FBLN7: variants seen among roughly 807,000 people sequenced by gnomAD.
The protein encoded by FBLN7 is fibulin 7.
Under a neutral mutation model 44.0 loss-of-function variants are expected in FBLN7, and 31 were observed. That is an observed-to-expected ratio of 0.70 (90% CI 0.53 to 0.95). The LOEUF is 0.95. Among genes scored for constraint, FBLN7 ranks in the 40% least tolerant of loss-of-function variants. The pLI is 0.00. For synonymous variants in FBLN7, 262 were observed against 253.4 expected, an observed-to-expected ratio of 1.03 and a Z score of -0.32; for missense variants, 573 against 618.5, an observed-to-expected ratio of 0.93 and a Z score of 0.78.
At chr2:112,201,214 A>G in the FBLN7 span, among the ~76,000 whole-genome samples, 2 of 152,180 alleles carry the variant, frequency 1.3e-5, no homozygotes, top group Admixed American at 6.5e-5. Flanking sequence ...GCTGTCCTGA[A>G]TCTCTTTACA....
At chr2:112,165,867 G>A (rs921590845) in intron 3 of FBLN7, among the ~76,000 whole-genome samples, 1 of 152,144 alleles carries the variant, frequency 6.6e-6, no homozygotes, top group Admixed American at 6.5e-5. Flanking sequence ...AAATCTGTTG[G>A]CTTTTCAAAA....
At chr2:112,232,049 C>A in the FBLN7 span, 1 of 607,956 alleles carries the variant, frequency 1.6e-6, no homozygotes, top group African/African-American at 1.9e-5. Context: ...TGTGGCCGGG[C>A]GAGGTGGCTC....
At chr2:112,152,288 A>C (rs1383027050) in intron 1 of FBLN7, 1 of 152,260 alleles carries the variant, frequency 6.6e-6, no homozygotes, top group African/African-American at 2.4e-5. Context: ...CTGCGCTGTC[A>C]TGGGTTCCTG....
the FBLN7 span, among the ~76,000 whole-genome samples, chr2:112,243,597 T>C: frequency 1.3e-5 from 2 of 151,832 alleles, no homozygotes; most frequent in African/African-American, 4.8e-5. Context: ...ATCCCATTCT[T>C]CTCATTAGAA....
intron 1 of FBLN7, among the ~76,000 whole-genome samples, chr2:112,148,832 C>T (rs1260741141): frequency 3.9e-5 from 6 of 152,184 alleles, no homozygotes; most frequent in Non-Finnish European, 8.8e-5. Flanking sequence ...TCTTGAGACC[C>T]AGGCTTGGAA....
intron 1 of FBLN7, chr2:112,151,768 G>C (rs1681173083): frequency 6.6e-6 from 1 of 152,222 alleles, no homozygotes; most frequent in African/African-American, 2.4e-5. Context: ...GTGTACCTAG[G>C]AGGGGATTGC....
intron 1 of FBLN7, among the ~76,000 whole-genome samples, chr2:112,158,627 C>A (rs1285379517): frequency 6.6e-6 from 1 of 152,014 alleles, no homozygotes; most frequent in African/African-American, 2.4e-5. Context: ...GTAGTTGAGA[C>A]TGGGTTTCAC....
Position 112,171,504 on chromosome 2 carries a change from TA to T in FBLN7, c.407-4202del, listed in dbSNP as rs903562305. Among the ~76,000 whole-genome samples the T allele has an allele frequency of 2.2e-4, 33 of 151,836 alleles. 1 individual carries two copies. The highest frequency in any genetic ancestry group is 7.7e-4 in the African/African-American group (32 of 41,398). On this transcript the variant is annotated intron_variant, in intron 3 of 7. Coordinates refer to ENST00000331203, the MANE Select transcript of FBLN7 (RefSeq NM_153214.3). ...CATGAGGCCTTTCCCCCGAGACCTTTAAAAAAAAGATTTGAGTAGAAAGAGC... is the reference window on the plus strand; with the variant it reads ...CATGAGGCCTTTCCCCCGAGACCTTTAAAAAAAGATTTGAGTAGAAAGAGC...
the FBLN7 span, among the ~76,000 whole-genome samples, chr2:112,234,634 C>A: frequency 1.1e-3 from 162 of 152,166 alleles, no homozygotes; most frequent in African/African-American, 3.7e-3. Flanking sequence ...AACCTCATCT[C>A]TACTAAAATA....
At chr2:112,221,725 T>A in the FBLN7 span, among the ~76,000 whole-genome samples, 1 of 152,128 alleles carries the variant, frequency 6.6e-6, no homozygotes, top group Admixed American at 6.5e-5. Context: ...TCAGTCTGGT[T>A]CTTTCTTATA....
chr2:112,236,710 T>G, the FBLN7 span: 1 of 1,586,296 alleles, frequency 6.3e-7, no homozygotes, highest in East Asian at 2.3e-5. Context: ...AAACAAAAAA[T>G]TAATTTAAAA....
chr2:112,192,670 A>C (rs1030105217), downstream of FBLN7, among the ~76,000 whole-genome samples: 2 of 152,230 alleles, frequency 1.3e-5, no homozygotes, highest in East Asian at 3.8e-4. Flanking sequence ...GAGTCTGAAC[A>C]TGTGCTCAAG....
the FBLN7 span, among the ~76,000 whole-genome samples, chr2:112,224,304 T>C: frequency 4.6e-5 from 7 of 152,302 alleles, no homozygotes; most frequent in Non-Finnish European, 8.8e-5. Context: ...ACTCTGGTCA[T>C]GTCAAAAAGA....
chr2:112,158,119 G>C (rs569950568), intron 1 of FBLN7, among the ~76,000 whole-genome samples: 3 of 150,368 alleles, frequency 2.0e-5, no homozygotes, highest in East Asian at 2.0e-4. Flanking sequence ...GGATGGTCTC[G>C]ATCTCCTGAC....
chr2:112,195,910 C>A, the FBLN7 span, among the ~76,000 whole-genome samples: 2 of 152,228 alleles, frequency 1.3e-5, no homozygotes, highest in African/African-American at 4.8e-5. Context: ...CCTCTCCCAC[C>A]TCTGGGCCCA....
At chr2:112,235,573 A>G in the FBLN7 span, among the ~76,000 whole-genome samples, 2 of 152,190 alleles carry the variant, frequency 1.3e-5, no homozygotes, top group Admixed American at 6.5e-5. Context: ...GGCATTTCTA[A>G]TATTTTACCA....
chr2:112,145,087 C>A (rs1315213064), intron 1 of FBLN7, among the ~76,000 whole-genome samples: 1 of 152,162 alleles, frequency 6.6e-6, no homozygotes, highest in Non-Finnish European at 1.5e-5. Flanking sequence ...ACACTGCATC[C>A]TTACCAGAAC....
At chr2:112,234,614 AAC>A in the FBLN7 span, among the ~76,000 whole-genome samples, 2 of 152,278 alleles carry the variant, frequency 1.3e-5, no homozygotes, top group Admixed American at 1.3e-4. Context: ...CAGCCTGGCC[AAC>A]ACAGTGAAAC....
intron 3 of FBLN7, among the ~76,000 whole-genome samples, chr2:112,172,736 G>A (rs1448540994): frequency 6.7e-6 from 1 of 148,356 alleles, no homozygotes; most frequent in East Asian, 2.1e-4. Flanking sequence ...GGCTTCAAGC[G>A]ATTCTCCTGC....
Sources: gnomAD v4.1 joint callset for allele counts (sites outside exome capture counted in the v4.1 genomes callset) on GRCh38, gnomAD v4.1.1 for gene constraint, MANE v1.5 for transcripts, NCBI Gene and HGNC (gene_info 2026-07-23, HGNC 2026-07-21) for gene names.